The following CCDC178 variants were observed in gnomAD, a reference collection of about 807,000 sequenced individuals.
CCDC178 encodes the protein coiled-coil domain-containing protein 178.
A neutral mutation model predicts 117.4 loss-of-function variants in CCDC178; 126 were observed. That is an observed-to-expected ratio of 1.07 (90% CI 0.93 to 1.24). The LOEUF (loss-of-function observed/expected upper bound fraction) is 1.24, where lower values mean the gene tolerates loss of function less well. CCDC178 is among the 50% of genes most tolerant of loss of function. The pLI is 0.00. For missense variants in CCDC178, 1,030 were observed against 986.9 expected, an observed-to-expected ratio of 1.04 and a Z score of -0.59; for synonymous variants, 283 against 313.4, an observed-to-expected ratio of 0.90 and a Z score of 1.02.
At chr18:33,213,949 C>A (rs964857186) in intron 19 of CCDC178, among the ~76,000 whole-genome samples, 1 of 152,028 alleles carries the variant, frequency 6.6e-6, no homozygotes, top group Non-Finnish European at 1.5e-5. Flanking sequence ...TGGCAGTATG[C>A]CCACTATGAG....
intron 22 of CCDC178, among the ~76,000 whole-genome samples, chr18:32,962,665 C>A (rs1427706580): frequency 2.6e-5 from 4 of 151,768 alleles, no homozygotes; most frequent in Non-Finnish European, 5.9e-5. Flanking sequence ...TTTAAGATTA[C>A]CTCTTTATTT....
intron 21 of CCDC178, among the ~76,000 whole-genome samples, chr18:32,985,034 G>A (rs2055233886): frequency 6.6e-6 from 1 of 151,660 alleles, no homozygotes; most frequent in Non-Finnish European, 1.5e-5. Context: ...TTATTTTAAT[G>A]CAAAAAATCA....
rs73419983 is a variant in CCDC178, at chr18:33,286,418, A to G, written c.1176+6741T>C. ...GCCACTTAATAGCTTTTTGTCTGTT[A>G]GAAAATCACTCAGCTTCTCTAGGCT... On this transcript the variant is annotated intron_variant, in intron 12 of 22. Transcript: ENST00000383096. 8.9e-3 allele frequency among the ~76,000 whole-genome samples: 1,353 copies of G among 152,336 alleles called. 21 individuals are homozygous for G. The highest frequency in any genetic ancestry group is 0.03 in the African/African-American group (1,257 of 41,574).
chr18:33,267,925 T>C (rs1035029041), intron 12 of CCDC178, among the ~76,000 whole-genome samples: 74 of 151,514 alleles, frequency 4.9e-4, no homozygotes, highest in African/African-American at 1.7e-3. Context: ...GAAGAAATAA[T>C]TGTAAAGTTT....
At chr18:33,059,236 T>C (rs1039544094) in intron 21 of CCDC178, among the ~76,000 whole-genome samples, 1 of 152,080 alleles carries the variant, frequency 6.6e-6, no homozygotes, top group South Asian at 2.1e-4. Flanking sequence ...AGGCAGAACA[T>C]CTATTTAGGA....
Position 33,199,426 on chromosome 18 carries a change from A to T in CCDC178, c.2238+12470T>A, listed in dbSNP as rs534376100. The stretch of plus-strand genomic sequence containing the variant: ...TCTCTTCCTGTCTATCTCTTGTTCC[A>T]CCTATCATACTCTTTTACTTCAGTA... On this transcript the variant is annotated intron_variant, in intron 20 of 22. Coordinates refer to ENST00000383096, the MANE Select transcript of CCDC178 (RefSeq NM_001105528.4). Among the ~76,000 whole-genome samples, 10 of 152,110 alleles carry T rather than the reference A, an allele frequency of 6.6e-5. No individual in the cohort carries two copies. The South Asian group carries it at 2.1e-3, about 32-fold the overall frequency.
intron 5 of CCDC178, among the ~76,000 whole-genome samples, chr18:33,387,256 C>G (rs558458086): frequency 2.4e-4 from 36 of 152,254 alleles, no homozygotes; most frequent in African/African-American, 8.2e-4. Context: ...TAGGAAGAAT[C>G]AATATCTTGA....
intron 20 of CCDC178, among the ~76,000 whole-genome samples, chr18:33,097,612 C>T (rs946009696): frequency 1.3e-5 from 2 of 152,054 alleles, no homozygotes; most frequent in Middle Eastern, 3.2e-3. Flanking sequence ...AGATCCTGTA[C>T]CCTTAACCGT....
intron 21 of CCDC178, among the ~76,000 whole-genome samples, chr18:33,029,544 C>T (rs1022828276): frequency 1.3e-5 from 2 of 151,746 alleles, no homozygotes; most frequent in Admixed American, 1.3e-4. Flanking sequence ...CTTTTTATAT[C>T]CTTGCTTTAA....
intron 21 of CCDC178, among the ~76,000 whole-genome samples, chr18:33,018,484 C>T (rs1185354497): frequency 6.6e-6 from 1 of 151,990 alleles, no homozygotes; most frequent in African/African-American, 2.4e-5. Context: ...GTAGAAACAA[C>T]CCAAATGCCC....
At chr18:32,970,429 C>T (rs138757652) in intron 22 of CCDC178, among the ~76,000 whole-genome samples, 72 of 151,846 alleles carry the variant, frequency 4.7e-4, no homozygotes, top group African/African-American at 1.6e-3. Flanking sequence ...AATAGTTCAC[C>T]GAAATCTTAT....
At chr18:33,336,609 G>A (rs765944724) in intron 9 of CCDC178, among the ~76,000 whole-genome samples, 13 of 151,978 alleles carry the variant, frequency 8.6e-5, no homozygotes, top group Non-Finnish European at 1.5e-4. Flanking sequence ...AAAACTCAAT[G>A]AATAACTAGA....
intron 21 of CCDC178, among the ~76,000 whole-genome samples, chr18:33,074,578 A>G (rs143230560): frequency 6.6e-6 from 1 of 152,316 alleles, no homozygotes; most frequent in East Asian, 1.9e-4. Context: ...TTGGAAGCTG[A>G]GCAGAGTAAA....
At chr18:33,307,929 C>T (rs769926592) in intron 11 of CCDC178, among the ~76,000 whole-genome samples, 12 of 152,230 alleles carry the variant, frequency 7.9e-5, no homozygotes, top group African/African-American at 2.4e-4. Context: ...TAGGGAAACA[C>T]ATGGATGTCC....
intron 20 of CCDC178, among the ~76,000 whole-genome samples, chr18:33,169,408 TGTGGTGG>T (rs1230727390): frequency 1.3e-5 from 2 of 152,148 alleles, no homozygotes; most frequent in African/African-American, 4.8e-5. Context: ...AAGTACAGAA[TGTGGTGG>T]GTCACTAGAA....
At chr18:33,096,414 A>T (rs934737158) in intron 20 of CCDC178, among the ~76,000 whole-genome samples, 2 of 149,394 alleles carry the variant, frequency 1.3e-5, no homozygotes, top group Non-Finnish European at 3.0e-5. Flanking sequence ...TATAAAGCCT[A>T]TATCATATTT....
At chr18:33,369,190 A>C (rs937343121) in intron 6 of CCDC178, among the ~76,000 whole-genome samples, 1 of 151,988 alleles carries the variant, frequency 6.6e-6, no homozygotes, top group African/African-American at 2.4e-5. Context: ...TAGAAGTAAC[A>C]GTGACAAATA....
At chr18:33,138,834 A>T (rs545534611) in intron 20 of CCDC178, among the ~76,000 whole-genome samples, 1 of 152,216 alleles carries the variant, frequency 6.6e-6, no homozygotes, top group Admixed American at 6.5e-5. Context: ...CACAGGAAGG[A>T]GTAGTTAGTT....
chr18:33,239,231 C>T (rs1035940315), intron 15 of CCDC178, among the ~76,000 whole-genome samples: 1 of 151,888 alleles, frequency 6.6e-6, no homozygotes, highest in African/African-American at 2.4e-5. Flanking sequence ...AGAGTCAAAC[C>T]TTATTACTAC....
Sources: allele counts gnomAD v4.1 joint callset (sites outside exome capture counted in the v4.1 genomes callset), GRCh38; gene constraint gnomAD v4.1.1; transcripts MANE v1.5; gene names NCBI Gene and HGNC (gene_info 2026-07-23, HGNC 2026-07-21).